The following MICAL3 variants were observed in gnomAD, a reference collection of about 807,000 sequenced individuals.
The protein encoded by MICAL3 is microtubule associated monooxygenase, calponin and LIM domain containing 3.
In MICAL3, 62 loss-of-function variants were observed where a neutral mutation model predicts 207.4. The observed-to-expected ratio is 0.30, with a 90% CI of 0.24 to 0.37. MICAL3 has a LOEUF of 0.37. MICAL3 is among the 10% of genes least tolerant of loss of function. The pLI is 1.00. For synonymous variants in MICAL3, 1,077 were observed against 1,069.3 expected, an observed-to-expected ratio of 1.01 and a Z score of -0.14; for missense variants, 2,368 against 2,635.6, an observed-to-expected ratio of 0.90 and a Z score of 2.22.
intron 29 of MICAL3, among the ~76,000 whole-genome samples, chr22:17,795,481 C>T (rs767902670): frequency 2.0e-5 from 3 of 152,204 alleles, no homozygotes; most frequent in East Asian, 1.9e-4. Context: ...AATTACAACA[C>T]GTGTTTCTGC....
At chr22:17,955,785 G>C (rs1308741184) in intron 1 of MICAL3, among the ~76,000 whole-genome samples, 1 of 152,162 alleles carries the variant, frequency 6.6e-6, no homozygotes, top group Admixed American at 6.5e-5. Context: ...GCCTAGAGTG[G>C]GAGGTGGAAA....
intron 19 of MICAL3, among the ~76,000 whole-genome samples, chr22:17,842,769 C>T (rs1182751256): frequency 7.2e-5 from 11 of 152,196 alleles, no homozygotes; most frequent in Admixed American, 5.2e-4. Context: ...TCAGCATCGT[C>T]GGCGATCTTG....
intron 1 of MICAL3, among the ~76,000 whole-genome samples, chr22:18,000,699 AG>A (rs1922865925): frequency 1.3e-5 from 2 of 152,222 alleles, no homozygotes; most frequent in Admixed American, 6.5e-5. Flanking sequence ...CAGCCAGGGA[AG>A]GGGCATCACT....
intron 1 of MICAL3, among the ~76,000 whole-genome samples, chr22:17,976,535 A>T (rs563955380): frequency 1.0e-5 from 1 of 97,072 alleles, no homozygotes; most frequent in African/African-American, 3.9e-5. Flanking sequence ...GTGTATATAT[A>T]TGTGTGTGTG....
intron 1 of MICAL3, among the ~76,000 whole-genome samples, chr22:17,910,610 C>T (rs1015290347): frequency 2.6e-5 from 4 of 152,152 alleles, no homozygotes; most frequent in Non-Finnish European, 5.9e-5. Flanking sequence ...CAAGGTAAGA[C>T]GACACAAGAT....
In MICAL3 at chr22:17,970,040, TCA is replaced by T. The variant is rs1273522148; in HGVS notation, c.-75+54239_-75+54240del. ...ACATCTCTGCCCTGGCTGCCAGGATTCACAGTGTGCAGAGGGACTGGGCCGTT... is the reference window on the plus strand; with the variant it reads ...ACATCTCTGCCCTGGCTGCCAGGATTCAGTGTGCAGAGGGACTGGGCCGTT... On this transcript the variant is annotated intron_variant, in intron 1 of 31. Transcript: ENST00000441493. Among the ~76,000 whole-genome samples, 12 of 152,328 alleles carry T rather than the reference TCA, an allele frequency of 7.9e-5. No individual in the cohort carries two copies. In the East Asian group the frequency reaches 2.1e-3, roughly 27 times the overall value.
intron 20 of MICAL3, among the ~76,000 whole-genome samples, chr22:17,838,251 C>T (rs1923608371): frequency 6.6e-6 from 1 of 152,202 alleles, no homozygotes; most frequent in African/African-American, 2.4e-5. Flanking sequence ...GGGCTTTACC[C>T]CAGAGGCGCT....
At chr22:17,925,266 C>T (rs1049742743) in intron 1 of MICAL3, among the ~76,000 whole-genome samples, 7 of 152,170 alleles carry the variant, frequency 4.6e-5, no homozygotes, top group Non-Finnish European at 8.8e-5. Flanking sequence ...CAGAGCAGGG[C>T]TTCTGGCTCC....
Position 17,888,182 on chromosome 22 carries a change from T to C in MICAL3, c.1892-747A>G, listed in dbSNP as rs549988619. Among the ~76,000 whole-genome samples, 671 of 152,306 alleles carry C rather than the reference T, an allele frequency of 4.4e-3. 3 individuals carry two copies. The highest frequency in any genetic ancestry group is 6.8e-3 in the Middle Eastern group (2 of 294). On this transcript the variant is annotated intron_variant, in intron 13 of 31. Coordinates refer to ENST00000441493, the MANE Select transcript of MICAL3 (RefSeq NM_015241.3). ...CATATTATCCCCATTTTACACCCGT[T>C]ACCCCATTTTACAAGATAGGTTGAC... is the stretch of plus-strand genomic sequence containing the variant.
rs1204825142 is a variant in MICAL3 at position 17,976,587 on chromosome 22, A to ATTTTT, written c.-75+47693_-75+47694insAAAAA. The stretch of plus-strand genomic sequence containing the variant: ...TATATATATATATATATATATATAT[A>ATTTTT]TATTTTTTTTTTTTTTTTTTGAGAC... On this transcript the variant is annotated intron_variant, in intron 1 of 31. Transcript: ENST00000441493. Among the ~76,000 whole-genome samples the ATTTTT allele has an allele frequency of 8.2e-4, 66 of 80,288 alleles. 1 individual carries two copies. Among genetic ancestry groups the ATTTTT allele is most frequent in the East Asian group, 4.5e-3 (10 of 2,210 alleles). The allele number at this position is 80,288 out of a possible 152,430, so 52.7% of individuals were successfully genotyped here. A position where few individuals can be genotyped will look rare whatever the true frequency, so the allele number is the denominator to read the frequency against.
rs913965830 is a variant in MICAL3, at chr22:17,948,332, G to A, written c.-74-41446C>T. Among the ~76,000 whole-genome samples the A allele has an allele frequency of 2.6e-5, 4 of 152,300 alleles. No individual in the cohort carries two copies. In the South Asian group the frequency reaches 8.3e-4, roughly 32 times the overall value. ...CTGGAATCCCAAGAGCTCCCAGAACGGTCACTTTGGTGGACTCCACCTCTT... is the reference window on the plus strand; with the variant it reads ...CTGGAATCCCAAGAGCTCCCAGAACAGTCACTTTGGTGGACTCCACCTCTT... On this transcript the variant is annotated intron_variant, in intron 1 of 31. Coordinates refer to ENST00000441493, the MANE Select transcript of MICAL3 (RefSeq NM_015241.3).
intron 1 of MICAL3, among the ~76,000 whole-genome samples, chr22:17,981,635 C>CA (rs1220519735): frequency 6.6e-6 from 1 of 152,190 alleles, no homozygotes; most frequent in Admixed American, 6.5e-5. Flanking sequence ...CCCAACATGA[C>CA]ATGTGAGCGC....
rs2061873983 is a variant in MICAL3, at chr22:17,796,124, C to T, written c.5651-4823G>A. 6.6e-6 allele frequency among the ~76,000 whole-genome samples: 1 copy of T among 152,242 alleles called. No individual in the cohort carries two copies. The highest frequency in any genetic ancestry group is 6.5e-5 in the Admixed American group (1 of 15,288). On this transcript the variant is annotated intron_variant, in intron 29 of 31. Transcript: ENST00000441493. The surrounding 1 kb of genome is among the most constrained non-coding windows in gnomAD (Gnocchi z 4.4). ...TGCGTGCCCTGGGCGCTGGCCACCC[C>T]TCCTGAGCTCCCGAGCAGTGAGCGG...
chr22:17,876,544 T>C (rs1360453925), intron 16 of MICAL3: 1 of 152,204 alleles, frequency 6.6e-6, no homozygotes, highest in Non-Finnish European at 1.5e-5. Flanking sequence ...CAGAGGGAGC[T>C]GGAGAGGATG....
At chr22:17,836,635 A>C (rs1923402559) in intron 20 of MICAL3, among the ~76,000 whole-genome samples, 1 of 149,808 alleles carries the variant, frequency 6.7e-6, no homozygotes, top group Non-Finnish European at 1.5e-5. Context: ...AACCACTTGA[A>C]GTTCCTGGGT....
chr22:17,837,757 AG>A (rs1923555364), intron 20 of MICAL3, among the ~76,000 whole-genome samples: 1 of 152,188 alleles, frequency 6.6e-6, no homozygotes, highest in Non-Finnish European at 1.5e-5. Flanking sequence ...ATTGATTATG[AG>A]ACTCACCTGG....
At chr22:17,839,324 C>CT (rs60286572) in intron 20 of MICAL3, among the ~76,000 whole-genome samples, 63,498 of 144,576 alleles carry the variant, frequency 0.44, 15,707 homozygotes, top group African/African-American at 0.69. Flanking sequence ...GTGGCACAAT[C>CT]TGGCTGACGG....
intron 1 of MICAL3, among the ~76,000 whole-genome samples, chr22:18,020,771 G>A (rs536124865): frequency 1.1e-4 from 17 of 151,598 alleles, no homozygotes; most frequent in African/African-American, 3.6e-4. Context: ...AAAATTAGCC[G>A]GGTATGGTGG....
chr22:17,869,151 A>C (rs772108347), intron 17 of MICAL3, among the ~76,000 whole-genome samples: 2 of 152,220 alleles, frequency 1.3e-5, no homozygotes, highest in Non-Finnish European at 2.9e-5. Context: ...AGAGTGCAGC[A>C]TGCTGGGGGC....
Sources: allele counts gnomAD v4.1 joint callset (sites outside exome capture counted in the v4.1 genomes callset), GRCh38; gene constraint gnomAD v4.1.1; non-coding constraint Gnocchi (gnomAD v3.1); transcripts MANE v1.5; gene names NCBI Gene and HGNC (gene_info 2026-07-23, HGNC 2026-07-21).